Variants in PDIA4 observed in about 807,000 individuals in gnomAD.
PDIA4 encodes the protein protein disulfide isomerase family A member 4, also known as protein disulfide-isomerase A4.
Under a neutral mutation model 62.1 loss-of-function variants are expected in PDIA4, and 33 were observed. The ratio of observed to expected loss-of-function variants is 0.53; its 90% CI spans 0.40 to 0.71. The LOEUF is 0.71. Ranked by LOEUF, PDIA4 falls within the 30% of genes least tolerant of loss-of-function variation. The pLI, the probability that PDIA4 is intolerant of heterozygous loss-of-function variation, is 0.00. For synonymous variants in PDIA4, 341 were observed against 324.1 expected (o/e 1.05, Z -0.56); for missense variants, 804 against 813.6 (o/e 0.99, Z 0.14).
At chr7:149,010,398 T>A (rs967806547) in intron 6 of PDIA4, among the ~76,000 whole-genome samples, 126 of 152,046 alleles carry the variant, frequency 8.3e-4, no homozygotes, top group African/African-American at 2.9e-3. Context: ...GAGGCTGAGG[T>A]GGAAAAATCA....
chr7:149,008,857 T>C (rs1030947754), intron 6 of PDIA4, among the ~76,000 whole-genome samples: 11 of 152,296 alleles, frequency 7.2e-5, no homozygotes, highest in Admixed American at 3.9e-4. Context: ...CCGGCCACAG[T>C]GGCTCACGCC....
chr7:149,020,816 A>T lies in PDIA4; in HGVS notation c.269+151T>A. On this transcript the variant is annotated intron_variant, in intron 2 of 9. Coordinates refer to ENST00000652332, the MANE Select transcript of PDIA4 (RefSeq NM_004911.5). ...CCGTTCAACGCACAGTGGTAGAACG[A>T]GTGAGCTCCCAGCGTTCTTAAAGCT... 7 of 1,300,792 alleles carry T rather than the reference A, an allele frequency of 5.4e-6. No individual in the cohort carries two copies. In the South Asian group the frequency reaches 1.1e-4, roughly 21 times the overall value. The allele number at this position is 1,300,792 out of a possible 1,614,324, so 80.6% of individuals were successfully genotyped here. A position where few individuals can be genotyped will look rare whatever the true frequency, so the allele number is the denominator to read the frequency against.
rs751450106 is a variant in PDIA4 at position 149,005,267 on chromosome 7, C to T, written c.1396G>A (p.Gly466Arg). 6.2e-7 allele frequency: 1 copy of T among 1,614,152 alleles called. No individual in the cohort carries two copies. Among genetic ancestry groups the T allele is most frequent in the Admixed American group, 1.7e-5 (1 of 60,026 alleles). The stretch of plus-strand genomic sequence containing the variant: ...ACATCCTCCCCACTCTCGCTGAGCC[C>T]CAGGTCCTTCACCTCCCCAGCATAG... The part of the protein sequence containing the change: ...EDYAGEVKDL[G>R]LSESGEDVNA... The change falls in exon 9 of 10, where the codon GGG (glycine) becomes AGG (arginine). Residue 466 changes from glycine (G) to arginine (R), a missense_variant. Coordinates refer to ENST00000652332, the MANE Select transcript of PDIA4 (RefSeq NM_004911.5).
At chr7:149,005,852 T>C in intron 8 of PDIA4, 45 bp downstream of exon 8, 1 of 1,420,520 alleles carries the variant, frequency 7.0e-7, no homozygotes, top group Non-Finnish European at 9.2e-7. Flanking sequence ...AAAGAACGAG[T>C]CCCCCCACCC....
intron 8 of PDIA4, 103 bp from the exon 9 acceptor site, chr7:149,005,477 G>C: frequency 1.3e-6 from 1 of 742,044 alleles, no homozygotes; most frequent in South Asian, 1.6e-5. Context: ...TTCTGACAAT[G>C]CTCAAACCCT....
intron 2 of PDIA4, among the ~76,000 whole-genome samples, chr7:149,019,861 T>A (rs1358019199): frequency 6.6e-6 from 1 of 152,204 alleles, no homozygotes; most frequent in African/African-American, 2.4e-5. Context: ...ATGGTAAATA[T>A]TGATAAACAT....
At chr7:149,017,309 C>A (rs911139136) in intron 3 of PDIA4, among the ~76,000 whole-genome samples, 17 of 152,046 alleles carry the variant, frequency 1.1e-4, no homozygotes, top group African/African-American at 3.9e-4. Flanking sequence ...AGAGGCCGGG[C>A]ACAGTGGCTC....
chr7:149,019,782 A>C (rs1386294703), intron 2 of PDIA4, among the ~76,000 whole-genome samples: 1 of 152,174 alleles, frequency 6.6e-6, no homozygotes, highest in Non-Finnish European at 1.5e-5. Context: ...TTGCATTCCA[A>C]CCTGGGCAAA....
At chr7:149,017,096 G>C (rs568659630) in intron 3 of PDIA4, among the ~76,000 whole-genome samples, 1 of 152,170 alleles carries the variant, frequency 6.6e-6, no homozygotes, top group Admixed American at 6.5e-5. Context: ...GCCTGGCAAG[G>C]GCAAGGCGCT....
In PDIA4 at chr7:149,003,784, C is replaced by T. The variant is rs1031299067; in HGVS notation, c.*10G>A. On this transcript the variant is annotated 3_prime_UTR_variant, in exon 10 of 10. Transcript: ENST00000652332. ...TCTGCCTCCTCCCACCTTCCGCAGA[C>T]CTCAGGCCTTCAAAGCTCTTCCTTG... The T allele has an allele frequency of 1.3e-6, 2 of 1,528,076 alleles. No homozygotes were observed. The highest frequency in any genetic ancestry group is 2.1e-5 in the Admixed American group (1 of 47,846). 94.7% of individuals were successfully genotyped at this position (1,528,076 alleles called of 1,614,324 possible). A position where few individuals can be genotyped will look rare whatever the true frequency, so the allele number is the denominator to read the frequency against.
intron 2 of PDIA4, among the ~76,000 whole-genome samples, chr7:149,019,600 C>T (rs1354605434): frequency 2.6e-5 from 4 of 152,234 alleles, no homozygotes; most frequent in Admixed American, 2.6e-4. Flanking sequence ...CACTTGAGAT[C>T]AGGAGTTCAA....
At position 149,028,378 on chromosome 7, in the gene PDIA4, G is replaced by A. The variant is rs1332801459; in HGVS notation, c.31C>T (p.Leu11=). 2.0e-6 allele frequency: 3 copies of A among 1,525,474 alleles called. No homozygotes were observed. The highest frequency in any genetic ancestry group is 2.6e-6 in the Non-Finnish European group (3 of 1,137,636). 94.5% of individuals were successfully genotyped at this position (1,525,474 alleles called of 1,614,324 possible). A position where few individuals can be genotyped will look rare whatever the true frequency, so the allele number is the denominator to read the frequency against. Reference sequence around the variant, plus strand: ...AGCAGCTGCACCAGCCCCAAGAGCAGCAGGAGCAGGAAGGCTTTCCGGGGC... The same window carrying A: ...AGCAGCTGCACCAGCCCCAAGAGCAACAGGAGCAGGAAGGCTTTCCGGGGC... MRPRKAFLLL[L]LLGLVQLLAV... The change falls in exon 1 of 10, where the codon CTG becomes TTG. Residue 11 remains leucine, a synonymous_variant. Transcript: ENST00000652332.
chr7:149,012,064 A>G, intron 5 of PDIA4, 60 bp from the exon 6 acceptor site: 1 of 1,605,104 alleles, frequency 6.2e-7, no homozygotes, highest in Non-Finnish European at 8.5e-7. Flanking sequence ...CCCATGGCCC[A>G]TGCCTGCCAG....
chr7:149,005,005 G>A (rs1823691421), intron 9 of PDIA4, 136 bp downstream of exon 9: 2 of 709,416 alleles, frequency 2.8e-6, no homozygotes, highest in South Asian at 1.7e-5. Context: ...GTCCCTCGGG[G>A]GTGAGAGAGG....
Position 149,005,927 on chromosome 7 carries a change from T to G in PDIA4, c.1258A>C (p.Ser420Arg). The G allele has an allele frequency of 4.6e-6, 7 of 1,530,420 alleles. No individual in the cohort carries two copies. Among genetic ancestry groups the G allele is most frequent in the Non-Finnish European group, 6.1e-6 (7 of 1,150,134 alleles). The allele number at this position is 1,530,420 out of a possible 1,614,324, so 94.8% of individuals were successfully genotyped here. A position where few individuals can be genotyped will look rare whatever the true frequency, so the allele number is the denominator to read the frequency against. The change falls in exon 8 of 10, where the codon AGT becomes CGT. Residue 420 changes from serine to arginine, a missense_variant. Coordinates refer to ENST00000652332, the MANE Select transcript of PDIA4 (RefSeq NM_004911.5). ...CTGTAATCAAAGCTGAAGTCCACACTGTAGTAGACGACCACCAGGGGGCGC... is the reference window on the plus strand; with the variant it reads ...CTGTAATCAAAGCTGAAGTCCACACGGTAGTAGACGACCACCAGGGGGCGC... ...TRRPLVVVYYSVDFSFDYRAA... is the reference protein window; with the variant it reads ...TRRPLVVVYYRVDFSFDYRAA...
At chr7:149,027,786 G>A in intron 1 of PDIA4, 1 of 458,106 alleles carries the variant, frequency 2.2e-6, no homozygotes, top group Non-Finnish European at 4.5e-6. Flanking sequence ...GTTTCTCAAA[G>A]GTGCAAACCA....
At chr7:149,018,025 C>A (rs1027407599) in intron 3 of PDIA4, among the ~76,000 whole-genome samples, 1 of 152,094 alleles carries the variant, frequency 6.6e-6, no homozygotes, top group African/African-American at 2.4e-5. Context: ...GTCAGGAGAT[C>A]GAGACCATCC....
intron 1 of PDIA4, among the ~76,000 whole-genome samples, chr7:149,025,070 C>CAAAAAAAAAAAAA (rs1184341612): frequency 1.4e-5 from 1 of 70,246 alleles, no homozygotes; most frequent in Admixed American, 1.9e-4. Flanking sequence ...AACTCCATCT[C>CAAAAAAAAAAAAA]AAAAAAAAAA....
At chr7:149,020,363 C>G (rs1401528500) in intron 2 of PDIA4, among the ~76,000 whole-genome samples, 1 of 152,154 alleles carries the variant, frequency 6.6e-6, no homozygotes, top group Non-Finnish European at 1.5e-5. Flanking sequence ...ACAGAAAGGG[C>G]ATGAGACAGA....
Sources: allele counts gnomAD v4.1 joint callset (sites outside exome capture counted in the v4.1 genomes callset), GRCh38; gene constraint gnomAD v4.1.1; transcripts MANE v1.5; gene names NCBI Gene and HGNC (gene_info 2026-07-23, HGNC 2026-07-21).